Variants in PCSK2 observed in about 807,000 individuals in gnomAD.
The protein encoded by PCSK2 is neuroendocrine convertase 2.
In PCSK2, 14 loss-of-function variants were observed where a neutral mutation model predicts 69.7. That is an observed-to-expected ratio of 0.20 (90% CI 0.13 to 0.31). PCSK2 has a LOEUF of 0.31. Ranked by LOEUF, PCSK2 falls within the 10% of genes least tolerant of loss-of-function variation. PCSK2 has a pLI of 1.00. For missense variants in PCSK2, 544 were observed against 842.5 expected (o/e 0.65, Z 4.39); for synonymous variants, 307 against 320.7 (o/e 0.96, Z 0.46).
At chr20:17,288,310 G>GGA (rs1775098130) in intron 2 of PCSK2, among the ~76,000 whole-genome samples, 1 of 152,176 alleles carries the variant, frequency 6.6e-6, no homozygotes, top group Admixed American at 6.5e-5. Flanking sequence ...TTCAAGAAGG[G>GGA]GAGAGGCCAG....
intron 8 of PCSK2, among the ~76,000 whole-genome samples, chr20:17,447,184 T>A (rs909071014): frequency 6.6e-6 from 1 of 151,158 alleles, no homozygotes; most frequent in Non-Finnish European, 1.5e-5. Flanking sequence ...GGCAGGAGAA[T>A]ATCTTGAAGC....
chr20:17,307,425 TG>T (rs1399076799), intron 2 of PCSK2, among the ~76,000 whole-genome samples: 1 of 152,148 alleles, frequency 6.6e-6, no homozygotes, highest in Non-Finnish European at 1.5e-5. Flanking sequence ...GAATGAGCCA[TG>T]GGGAATATGA....
At chr20:17,353,295 CA>C (rs34049224) in intron 2 of PCSK2, among the ~76,000 whole-genome samples, 1 of 150,310 alleles carries the variant, frequency 6.7e-6, no homozygotes, top group African/African-American at 2.4e-5. Flanking sequence ...ACCCTGTCTC[CA>C]AAAAAAATAC....
chr20:17,393,065 C>G (rs990205668), intron 5 of PCSK2, among the ~76,000 whole-genome samples: 2 of 152,142 alleles, frequency 1.3e-5, no homozygotes, highest in African/African-American at 4.8e-5. Context: ...ATCATTCTTA[C>G]TTGGATAGCC....
chr20:17,483,418 C>G lies in PCSK2; in HGVS notation c.*1348C>G, dbSNP rs1162413500. The G allele has an allele frequency of 6.6e-6, 1 of 152,264 alleles. No individual in the cohort carries two copies. The highest frequency in any genetic ancestry group is 6.5e-5 in the Admixed American group (1 of 15,286). The allele number at this position is 152,264 out of a possible 1,614,324, so 9.4% of individuals were successfully genotyped here. On this transcript the variant is annotated 3_prime_UTR_variant, in exon 12 of 12. Transcript: ENST00000262545. The stretch of plus-strand genomic sequence containing the variant: ...ATCCCAAAAGTCACCACTCCATTCC[C>G]AACTAGACATTACCAAAGTGACCTA...
chr20:17,231,024 T>C (rs1429535847), intron 1 of PCSK2, among the ~76,000 whole-genome samples: 2 of 152,228 alleles, frequency 1.3e-5, no homozygotes, highest in Non-Finnish European at 2.9e-5. Context: ...ATTCTCAAAA[T>C]GCTACTAATT....
At chr20:17,325,071 A>G (rs569769207) in intron 2 of PCSK2, among the ~76,000 whole-genome samples, 1 of 152,276 alleles carries the variant, frequency 6.6e-6, no homozygotes, top group South Asian at 2.1e-4. Context: ...TCCTGAGACC[A>G]CAAACATGTC....
At chr20:17,335,745 G>A (rs919893466) in intron 2 of PCSK2, among the ~76,000 whole-genome samples, 4 of 151,700 alleles carry the variant, frequency 2.6e-5, no homozygotes, top group Non-Finnish European at 5.9e-5. Flanking sequence ...AACATACGAT[G>A]TTTGATGTTC....
At chr20:17,408,988 G>A (rs2031813658) in intron 5 of PCSK2, among the ~76,000 whole-genome samples, 1 of 152,342 alleles carries the variant, frequency 6.6e-6, no homozygotes, top group African/African-American at 2.4e-5. Context: ...CAACTTGAAA[G>A]GAAGACAGTC....
chr20:17,403,831 C>G (rs756703084), intron 5 of PCSK2, among the ~76,000 whole-genome samples: 7 of 152,220 alleles, frequency 4.6e-5, no homozygotes, highest in Admixed American at 1.3e-4. Flanking sequence ...ATCTTGTCTT[C>G]TGTGGCACAA....
At chr20:17,405,979 A>G (rs1351391794) in intron 5 of PCSK2, among the ~76,000 whole-genome samples, 6 of 152,216 alleles carry the variant, frequency 3.9e-5, no homozygotes, top group Admixed American at 2.6e-4. Context: ...CAGAGATTAA[A>G]TTATTTTCAC....
chr20:17,351,038 TAAA>T (rs11471979), intron 2 of PCSK2, among the ~76,000 whole-genome samples: 5 of 134,144 alleles, frequency 3.7e-5, no homozygotes, highest in Admixed American at 7.5e-5. Flanking sequence ...AGACTTCATC[TAAA>T]AAAAAAAAAA....
At chr20:17,312,378 C>T (rs1018773639) in intron 2 of PCSK2, among the ~76,000 whole-genome samples, 2 of 152,180 alleles carry the variant, frequency 1.3e-5, no homozygotes, top group Non-Finnish European at 2.9e-5. Flanking sequence ...ACAACCTACT[C>T]ATTAAGAACC....
chr20:17,396,297 T>C (rs1600546282), intron 5 of PCSK2, among the ~76,000 whole-genome samples: 1 of 152,182 alleles, frequency 6.6e-6, no homozygotes, highest in Non-Finnish European at 1.5e-5. Flanking sequence ...TTGAGCCAGC[T>C]ACACTGGGCC....
At chr20:17,423,255 A>G (rs2032171367) in intron 6 of PCSK2, among the ~76,000 whole-genome samples, 2 of 152,222 alleles carry the variant, frequency 1.3e-5, no homozygotes, top group Admixed American at 6.5e-5. Flanking sequence ...CTGGAAAGGC[A>G]GGACATCTTG....
intron 3 of PCSK2, among the ~76,000 whole-genome samples, chr20:17,360,242 A>G (rs2030343779): frequency 6.6e-6 from 1 of 152,174 alleles, no homozygotes; most frequent in African/African-American, 2.4e-5. Context: ...TCTTATGGAA[A>G]AAGTTTAAAG....
At chr20:17,243,097 A>G (rs1986643742) in intron 1 of PCSK2, among the ~76,000 whole-genome samples, 1 of 152,214 alleles carries the variant, frequency 6.6e-6, no homozygotes, top group South Asian at 2.1e-4. Flanking sequence ...TCTATGGCCC[A>G]GCCATGCCCG....
chr20:17,470,750 T>C (rs1828919574), intron 11 of PCSK2, among the ~76,000 whole-genome samples: 2 of 152,198 alleles, frequency 1.3e-5, no homozygotes, highest in Non-Finnish European at 2.9e-5. Context: ...TCCAATGTCC[T>C]TATCCATTCC....
chr20:17,358,176 G>A (rs1465598717), intron 2 of PCSK2, 151 bp from the exon 3 acceptor site: 5 of 568,146 alleles, frequency 8.8e-6, no homozygotes, highest in Non-Finnish European at 1.6e-5. Flanking sequence ...AATAATAATG[G>A]TAAGGTGAGC....
Sources: gnomAD v4.1 joint callset for allele counts (sites outside exome capture counted in the v4.1 genomes callset) on GRCh38, gnomAD v4.1.1 for gene constraint, MANE v1.5 for transcripts, NCBI Gene and HGNC (gene_info 2026-07-23, HGNC 2026-07-21) for gene names.